The following GPLD1 variants were observed in gnomAD, a reference collection of about 807,000 sequenced individuals.
GPLD1 encodes the protein phosphatidylinositol-glycan-specific phospholipase D.
In GPLD1, 84 loss-of-function variants were observed where a neutral mutation model predicts 112.6. That is an observed-to-expected ratio of 0.75 (90% confidence interval 0.63 to 0.89). GPLD1 has a LOEUF of 0.89. Ranked by LOEUF, GPLD1 falls within the 40% of genes least tolerant of loss-of-function variation. The probability of loss-of-function intolerance (pLI) is 0.00; values close to 1 mark genes in which losing one functional copy is unlikely to be tolerated. For synonymous variants in GPLD1, 386 were observed against 403.8 expected, an observed-to-expected ratio of 0.96 and a Z score of 0.53; for missense variants, 1,044 against 1,051.5, an observed-to-expected ratio of 0.99 and a Z score of 0.10.
chr6:24,458,583 A>G (rs1212306344), intron 12 of GPLD1, among the ~76,000 whole-genome samples: 4 of 152,126 alleles, frequency 2.6e-5, no homozygotes, highest in African/African-American at 9.7e-5. Context: ...GCCTTTTGTT[A>G]AAAAAATTGT....
intron 4 of GPLD1, 107 bp from the exon 5 acceptor site, chr6:24,475,338 C>T (rs10707414): frequency 7.8e-6 from 5 of 641,832 alleles, no homozygotes. Flanking sequence ...TGAGACCTAA[C>T]AAAAAATTTC....
chr6:24,473,205 G>A (rs1763887645), intron 6 of GPLD1: 1 of 151,718 alleles, frequency 6.6e-6, no homozygotes, highest in African/African-American at 2.4e-5. Flanking sequence ...AGGAAATATC[G>A]ACCATAAGGG....
In GPLD1 at chr6:24,428,922, A is replaced by G; in HGVS notation, c.*110T>C. 1 of 638,892 alleles carries G rather than the reference A, an allele frequency of 1.6e-6. No homozygotes were observed. The highest frequency in any genetic ancestry group is 2.5e-5 in the South Asian group (1 of 40,570). 39.6% of individuals were successfully genotyped at this position (638,892 alleles called of 1,614,324 possible). A position where few individuals can be genotyped will look rare whatever the true frequency, so the allele number is the denominator to read the frequency against. On this transcript the variant is annotated 3_prime_UTR_variant, in exon 25 of 25. Transcript: ENST00000230036. ...TACTCCCAGGAGCCCCATGTCTATC[A>G]GGATCTACCACCGCTCCACTGGATG...
chr6:24,436,581 C>T lies in GPLD1; in HGVS notation c.2353G>A (p.Glu785Lys), dbSNP rs755862298. The change falls in exon 22 of 25, where the codon GAA becomes AAA. Residue 785 changes from glutamate (E) to lysine (K), a missense_variant. Coordinates refer to ENST00000230036, the MANE Select transcript of GPLD1 (RefSeq NM_001503.4). ...GAATTTTGTAGAACACTTACCTTTT[C>T]TTCTGGACATGGAGTTATCCATGAT... ...CKSWITPCPE[E>K]KAQYVLISPE... The T allele has an allele frequency of 1.9e-6, 3 of 1,613,450 alleles. No homozygotes were observed. Among genetic ancestry groups the T allele is most frequent in the Non-Finnish European group, 2.5e-6 (3 of 1,179,676 alleles).
rs1327058241 is a variant in GPLD1 at position 24,446,910 on chromosome 6, G to A, written c.1748C>T (p.Ser583Phe). 1.2e-6 allele frequency: 2 copies of A among 1,613,952 alleles called. No homozygotes were observed. The highest frequency in any genetic ancestry group is 2.2e-5 in the East Asian group (1 of 44,860). The part of the protein sequence containing the change: ...GEEDFSWFGY[S>F]LHGVTVDNRT... ...GTTGTCCACAGTGACACCGTGAAGG[G>A]AATATCCAAACCAGGAGAAGTCTTC... Residue 583 changes from serine to phenylalanine, a missense_variant, in exon 18 of 25, where the codon TCC (serine) becomes TTC (phenylalanine). Ser to Phe is a radical substitution (Grantham distance 155, BLOSUM62 -2). Transcript: ENST00000230036.
At chr6:24,429,653 T>C (rs898559965) in intron 24 of GPLD1, among the ~76,000 whole-genome samples, 1 of 152,224 alleles carries the variant, frequency 6.6e-6, no homozygotes, top group African/African-American at 2.4e-5. Flanking sequence ...TTTCAAGTGA[T>C]TCTCATGTCT....
upstream of GPLD1, among the ~76,000 whole-genome samples, chr6:24,493,344 C>T (rs549955271): frequency 6.6e-6 from 1 of 152,142 alleles, no homozygotes; most frequent in Non-Finnish European, 1.5e-5. Context: ...GGCTTGGTGG[C>T]ACACACCTGT....
At chr6:24,473,821 A>G (rs1392519030) in intron 5 of GPLD1, among the ~76,000 whole-genome samples, 154 bp from the exon 6 acceptor site, 1 of 152,120 alleles carries the variant, frequency 6.6e-6, no homozygotes, top group East Asian at 1.9e-4. Context: ...TTTTATTAGT[A>G]AAAAAATAAT....
At chr6:24,435,534 A>G (rs1762542370) in intron 22 of GPLD1, among the ~76,000 whole-genome samples, 1 of 152,092 alleles carries the variant, frequency 6.6e-6, no homozygotes. Flanking sequence ...AACTTTCACT[A>G]ATTTTGCAAT....
chr6:24,444,781 C>G lies in GPLD1; in HGVS notation c.2020+765G>C, dbSNP rs1358099235. On this transcript the variant is annotated intron_variant, in intron 20 of 24. Coordinates refer to ENST00000230036, the MANE Select transcript of GPLD1 (RefSeq NM_001503.4). Reference sequence around the variant, plus strand: ...GCAAGGTTCACTTTGCCCAGGAGGTCAAGGCTGCCATAAGCCATAATCACA... The same window carrying G: ...GCAAGGTTCACTTTGCCCAGGAGGTGAAGGCTGCCATAAGCCATAATCACA... Among the ~76,000 whole-genome samples, 4 of 152,108 alleles carry G rather than the reference C, an allele frequency of 2.6e-5. No homozygotes were observed. In the East Asian group the frequency reaches 7.8e-4, roughly 30 times the overall value.
chr6:24,473,869 A>AG (rs546330763), intron 5 of GPLD1, among the ~76,000 whole-genome samples: 319 of 152,306 alleles, frequency 2.1e-3, no homozygotes, highest in African/African-American at 7.3e-3. Flanking sequence ...TCACGCCTGT[A>AG]ATCCCAGCAC....
At chr6:24,493,374 G>T (rs1029818154), upstream of GPLD1, among the ~76,000 whole-genome samples, 15 of 152,176 alleles carry the variant, frequency 9.9e-5, 1 homozygote, top group South Asian at 2.1e-4. Flanking sequence ...TACTCGGGAG[G>T]CTGAGGCAGG....
chr6:24,451,191 T>C (rs1274134393), intron 14 of GPLD1, among the ~76,000 whole-genome samples: 3 of 152,198 alleles, frequency 2.0e-5, no homozygotes, highest in Admixed American at 1.3e-4. Context: ...GTTAGCATCC[T>C]CACTTTAACA....
chr6:24,484,204 C>T (rs996756079), intron 2 of GPLD1, among the ~76,000 whole-genome samples: 1 of 151,778 alleles, frequency 6.6e-6, no homozygotes, highest in African/African-American at 2.4e-5. Flanking sequence ...CGTGAGCCAC[C>T]GTGCCTGGCC....
chr6:24,467,883 T>C (rs543644650), intron 7 of GPLD1, among the ~76,000 whole-genome samples: 2 of 151,902 alleles, frequency 1.3e-5, no homozygotes, highest in East Asian at 3.9e-4. Context: ...GTGTGGTTTC[T>C]GTGTGGTTGT....
chr6:24,493,062 G>A (rs544017947), upstream of GPLD1, among the ~76,000 whole-genome samples: 3 of 152,258 alleles, frequency 2.0e-5, no homozygotes, highest in Non-Finnish European at 2.9e-5. Context: ...TCTGGGAAAG[G>A]GAGTGGGTAC....
chr6:24,489,536 T>C lies in GPLD1; in HGVS notation c.-25A>G. 1.2e-6 allele frequency: 2 copies of C among 1,613,630 alleles called. No individual in the cohort carries two copies. The highest frequency in any genetic ancestry group is 3.3e-5 in the Admixed American group (2 of 59,990). On this transcript the variant is annotated 5_prime_UTR_variant, in exon 1 of 25. Transcript: ENST00000230036. ...TGATCTCATTGCCCACCGGCTTCTC[T>C]GGTGACGTGGGAATGCTCAGAGCTG... is the stretch of plus-strand genomic sequence containing the variant.
chr6:24,494,952 C>A, intron 1 of GPLD1: 1 of 1,284,526 alleles, frequency 7.8e-7, no homozygotes, highest in South Asian at 3.2e-5. Flanking sequence ...TTCCCGTGCG[C>A]GCGCGCCCGC....
chr6:24,462,364 G>C (rs1252486225), intron 11 of GPLD1, among the ~76,000 whole-genome samples: 1 of 151,984 alleles, frequency 6.6e-6, no homozygotes, highest in African/African-American at 2.4e-5. Flanking sequence ...TGAACTCCTG[G>C]ACTTAAGGGA....
Sources: allele counts gnomAD v4.1 joint callset (sites outside exome capture counted in the v4.1 genomes callset), GRCh38; gene constraint gnomAD v4.1.1; transcripts MANE v1.5; gene names NCBI Gene and HGNC (gene_info 2026-07-23, HGNC 2026-07-21).